Variants in CC2D2B observed in about 807,000 individuals in gnomAD.
The protein encoded by CC2D2B is coiled-coil and C2 domain containing 2B.
Under a neutral mutation model 161.2 loss-of-function variants are expected in CC2D2B, and 128 were observed. The observed-to-expected ratio is 0.79, with a 90% CI of 0.69 to 0.92. CC2D2B has a LOEUF of 0.92. CC2D2B is among the 40% of genes least tolerant of loss of function. The pLI is 0.00. For synonymous variants in CC2D2B, 391 were observed against 449.8 expected (o/e 0.87, Z 1.65); for missense variants, 1,173 against 1,375.1 (o/e 0.85, Z 2.32).
At chr10:95,962,061 G>A (rs909904273) in intron 12 of CC2D2B, 92 bp downstream of exon 12, 27 of 839,484 alleles carry the variant, frequency 3.2e-5, no homozygotes, top group Non-Finnish European at 4.3e-5. Flanking sequence ...ACATCCAGAA[G>A]CTAGGCAACT....
chr10:95,963,675 A>G (rs1450004960), intron 12 of CC2D2B, among the ~76,000 whole-genome samples: 1 of 152,168 alleles, frequency 6.6e-6, no homozygotes, highest in Non-Finnish European at 1.5e-5. Flanking sequence ...AGCACCCGTT[A>G]GAGTATTTTG....
chr10:95,946,091 C>A (rs903487804), intron 9 of CC2D2B, among the ~76,000 whole-genome samples: 1 of 152,084 alleles, frequency 6.6e-6, no homozygotes, highest in Admixed American at 6.6e-5. Context: ...GCGGACAGTT[C>A]TAATTGTTCT....
chr10:95,961,807 T>C (rs575521695), intron 11 of CC2D2B, 22 bp from the exon 12 acceptor site: 1 of 1,230,030 alleles, frequency 8.1e-7, no homozygotes, highest in South Asian at 4.1e-5. Context: ...GACAAATTTT[T>C]GCTCTGCCAT....
At position 95,972,261 on chromosome 10, in the gene CC2D2B, G is replaced by A. The variant is rs191662148; in HGVS notation, c.1795+45G>A. The A allele has an allele frequency of 6.4e-4, 757 of 1,180,336 alleles. 5 individuals carry two copies. In the African/African-American group the frequency reaches 9.7e-3, roughly 15 times the overall value. The allele number at this position is 1,180,336 out of a possible 1,614,324, so 73.1% of individuals were successfully genotyped here. A position where few individuals can be genotyped will look rare whatever the true frequency, so the allele number is the denominator to read the frequency against. Reference sequence around the variant, plus strand: ...TACATTCCCCCTATTTTCTTCCTGAGTACCATATTCCTAAGTGACCCTGGC... The same window carrying A: ...TACATTCCCCCTATTTTCTTCCTGAATACCATATTCCTAAGTGACCCTGGC... On this transcript the variant is annotated intron_variant, in intron 16 of 34. Coordinates refer to ENST00000646931, the MANE Select transcript of CC2D2B (RefSeq NM_001349008.3).
intron 9 of CC2D2B, among the ~76,000 whole-genome samples, chr10:95,942,010 A>C (rs563898477): frequency 2.6e-5 from 4 of 152,328 alleles, no homozygotes; most frequent in Non-Finnish European, 4.4e-5. Flanking sequence ...ATCTTGTCAT[A>C]TGCTAAAACA....
intron 34 of CC2D2B, among the ~76,000 whole-genome samples, chr10:96,031,328 C>T (rs1374874515): frequency 6.6e-6 from 1 of 152,084 alleles, no homozygotes; most frequent in Non-Finnish European, 1.5e-5. Flanking sequence ...TAAGCAATTA[C>T]AGTGTGAAAG....
chr10:95,997,340 C>G lies in CC2D2B; in HGVS notation c.2849+1088C>G, dbSNP rs11188550. 0.057 allele frequency among the ~76,000 whole-genome samples: 8,629 copies of G among 151,982 alleles called. 1,147 individuals carry two copies. The East Asian group carries it at 0.57, about 10-fold the overall frequency. ...CTCTGGAGCACATGTGCAAGAGTTT[C>G]TTTTTAAGACAGTGGCTCTCAGACC... On this transcript the variant is annotated intron_variant, in intron 24 of 34. Transcript: ENST00000646931.
intron 11 of CC2D2B, among the ~76,000 whole-genome samples, chr10:95,956,684 T>G (rs1307367674): frequency 6.6e-6 from 1 of 152,102 alleles, no homozygotes; most frequent in Non-Finnish European, 1.5e-5. Flanking sequence ...AGGGATTGGT[T>G]CCAGAACCTC....
intron 24 of CC2D2B, 114 bp from the exon 25 acceptor site, chr10:96,004,038 C>CTTCATAAAAGAAAACA: frequency 1.6e-6 from 1 of 643,664 alleles, no homozygotes; most frequent in Non-Finnish European, 2.6e-6. Context: ...TTAGTTTATA[C>CTTCATAAAAGAAAACA]TTCATAAAAG....
chr10:95,937,177 A>G (rs1290786808), intron 6 of CC2D2B, among the ~76,000 whole-genome samples: 2 of 152,174 alleles, frequency 1.3e-5, no homozygotes, highest in East Asian at 3.9e-4. Flanking sequence ...GAGGCCATGT[A>G]GGGATTATCT....
rs1590966365 is a variant in CC2D2B, at chr10:96,032,685, T to C, written c.*677T>C. Reference sequence around the variant, plus strand: ...AATAAAATCTACCATGTTGGGCTGATGTTGGCTTCTGGAAGCTTCTCAAAA... The same window carrying C: ...AATAAAATCTACCATGTTGGGCTGACGTTGGCTTCTGGAAGCTTCTCAAAA... On this transcript the variant is annotated 3_prime_UTR_variant, in exon 35 of 35. Coordinates refer to ENST00000646931, the MANE Select transcript of CC2D2B (RefSeq NM_001349008.3). 2 of 426,856 alleles carry C rather than the reference T, an allele frequency of 4.7e-6. No homozygotes were observed. The highest frequency in any genetic ancestry group is 1.8e-5 in the South Asian group (1 of 56,910). The allele number at this position is 426,856 out of a possible 1,614,324, so 26.4% of individuals were successfully genotyped here. A position where few individuals can be genotyped will look rare whatever the true frequency, so the allele number is the denominator to read the frequency against.
At chr10:95,955,731 T>C (rs1271906431) in intron 11 of CC2D2B, among the ~76,000 whole-genome samples, 1 of 152,202 alleles carries the variant, frequency 6.6e-6, no homozygotes, top group African/African-American at 2.4e-5. Context: ...TGAAGAACTA[T>C]GAGTTCATGA....
chr10:95,993,956 A>ATG (rs2078121134), intron 22 of CC2D2B, among the ~76,000 whole-genome samples: 2 of 18,014 alleles, frequency 1.1e-4, no homozygotes, highest in Non-Finnish European at 2.1e-4. Context: ...GTATGTGTAT[A>ATG]TATATATATA....
chr10:95,938,769 A>T (rs1240408670), intron 8 of CC2D2B, 28 bp from the exon 9 acceptor site: 2 of 704,070 alleles, frequency 2.8e-6, no homozygotes, highest in Non-Finnish European at 5.2e-6. Flanking sequence ...CAAAATATTT[A>T]ATTACTATAC....
At chr10:95,988,574 A>T (rs995859145) in intron 20 of CC2D2B, among the ~76,000 whole-genome samples, 9 of 152,270 alleles carry the variant, frequency 5.9e-5, no homozygotes, top group Admixed American at 5.9e-4. Context: ...TTCTGTTTAA[A>T]CATACATTTT....
chr10:95,958,419 G>A (rs1285547842), intron 11 of CC2D2B, among the ~76,000 whole-genome samples: 2 of 152,314 alleles, frequency 1.3e-5, no homozygotes, highest in African/African-American at 4.8e-5. Flanking sequence ...TTGAACCTGG[G>A]AGGCAGAGCT....
Position 96,032,246 on chromosome 10 carries a change from TG to T in CC2D2B, c.*240del. 1 of 421,258 alleles carries T rather than the reference TG, an allele frequency of 2.4e-6. No individual in the cohort carries two copies. Among genetic ancestry groups the T allele is most frequent in the Non-Finnish European group, 4.3e-6 (1 of 234,872 alleles). The allele number at this position is 421,258 out of a possible 1,614,324, so 26.1% of individuals were successfully genotyped here. ...CTCCAGGAAGGACCTTTGGATAGTC[TG>T]GCTTTCTTGGGTCACTGTCTGCAGT... On this transcript the variant is annotated 3_prime_UTR_variant, in exon 35 of 35. Transcript: ENST00000646931.
intron 9 of CC2D2B, among the ~76,000 whole-genome samples, chr10:95,940,212 G>C (rs1288595853): frequency 6.6e-6 from 1 of 152,074 alleles, no homozygotes; most frequent in Admixed American, 6.6e-5. Context: ...TCTATCACCA[G>C]AACAACCCCA....
At chr10:96,009,500 A>G (rs2078893791) in intron 25 of CC2D2B, among the ~76,000 whole-genome samples, 1 of 152,166 alleles carries the variant, frequency 6.6e-6, no homozygotes, top group Admixed American at 6.6e-5. Flanking sequence ...ATAATACAGT[A>G]CCACTTCACA....
Sources: gnomAD v4.1 joint callset for allele counts (sites outside exome capture counted in the v4.1 genomes callset) on GRCh38, gnomAD v4.1.1 for gene constraint, MANE v1.5 for transcripts, NCBI Gene and HGNC (gene_info 2026-07-23, HGNC 2026-07-21) for gene names.